Variants in ME1 observed in about 807,000 individuals in gnomAD.
The protein encoded by ME1 is NADP-dependent malic enzyme.
A neutral mutation model predicts 66.4 loss-of-function variants in ME1; 74 were observed. The ratio of observed to expected loss-of-function variants is 1.11; its 90% confidence interval spans 0.92 to 1.35. The LOEUF (loss-of-function observed/expected upper bound fraction) is 1.35. Among genes scored for constraint, ME1 ranks in the 40% most tolerant of loss-of-function variants. ME1 has a pLI of 0.00. For synonymous variants in ME1, 251 were observed against 235.6 expected (o/e 1.07, Z -0.60); for missense variants, 750 against 694.1 (o/e 1.08, Z -0.90).
chr6:83,389,181 T>A (rs1769571984), intron 3 of ME1, among the ~76,000 whole-genome samples: 1 of 152,164 alleles, frequency 6.6e-6, no homozygotes, highest in East Asian at 1.9e-4. Context: ...GTGTGTCCAA[T>A]TTCTTTAATA....
intron 9 of ME1, among the ~76,000 whole-genome samples, chr6:83,234,999 G>T (rs747255467): frequency 6.6e-6 from 1 of 152,112 alleles, no homozygotes; most frequent in Non-Finnish European, 1.5e-5. Context: ...GAGATGAAAG[G>T]CATCATCTTT....
chr6:83,292,686 G>A (rs927831311), intron 6 of ME1, among the ~76,000 whole-genome samples: 5 of 152,206 alleles, frequency 3.3e-5, no homozygotes, highest in Non-Finnish European at 7.3e-5. Flanking sequence ...TAAGTCTGGA[G>A]AAGCTGTCTG....
Position 83,297,376 on chromosome 6 carries a change from C to T in ME1, c.704+17934G>A, listed in dbSNP as rs1036327851. Reference sequence around the variant, plus strand: ...GAAGAATCAATATCATTAAAATGGCCGTACTGCCCAAAGCAATTTAGAAAT... The same window carrying T: ...GAAGAATCAATATCATTAAAATGGCTGTACTGCCCAAAGCAATTTAGAAAT... On this transcript the variant is annotated intron_variant, in intron 6 of 13. Coordinates refer to ENST00000369705, the MANE Select transcript of ME1 (RefSeq NM_002395.6). Among the ~76,000 whole-genome samples, 10 of 152,064 alleles carry T rather than the reference C, an allele frequency of 6.6e-5. No homozygotes were observed. The South Asian group carries it at 1.7e-3, about 25-fold the overall frequency.
chr6:83,352,691 T>A (rs1355136765), intron 3 of ME1, among the ~76,000 whole-genome samples: 1 of 152,154 alleles, frequency 6.6e-6, no homozygotes, highest in African/African-American at 2.4e-5. Context: ...GCAACTCTGT[T>A]ATTTACTCTA....
At chr6:83,213,136 G>A (rs1289102694) in intron 13 of ME1, among the ~76,000 whole-genome samples, 1 of 150,646 alleles carries the variant, frequency 6.6e-6, no homozygotes, top group Non-Finnish European at 1.5e-5. Flanking sequence ...GGGTTCAAGC[G>A]ATTCTCTGGC....
At chr6:83,229,014 T>C in intron 9 of ME1, 83 bp from the exon 10 acceptor site, 1 of 849,518 alleles carries the variant, frequency 1.2e-6, no homozygotes, top group Non-Finnish European at 1.9e-6. Flanking sequence ...TTACAAATAT[T>C]TATGCTTAAC....
chr6:83,254,251 C>T (rs996517478), intron 6 of ME1, among the ~76,000 whole-genome samples: 1 of 152,080 alleles, frequency 6.6e-6, no homozygotes, highest in Non-Finnish European at 1.5e-5. Context: ...TTTAAAAGCC[C>T]TATTTGGCTA....
chr6:83,310,449 C>T (rs1245399801), intron 6 of ME1, among the ~76,000 whole-genome samples: 1 of 152,130 alleles, frequency 6.6e-6, no homozygotes, highest in Non-Finnish European at 1.5e-5. Flanking sequence ...TCTTACAAAC[C>T]TCTTAAACAC....
In ME1 at chr6:83,349,015, A is replaced by AAAAAAAAAAAAAAAAC. The variant is rs746037012; in HGVS notation, c.439-2682_439-2681insGTTTTTTTTTTTTTTT. Among the ~76,000 whole-genome samples, 19 of 124,066 alleles carry AAAAAAAAAAAAAAAAC rather than the reference A, an allele frequency of 1.5e-4. 2 individuals carry two copies. The highest frequency in any genetic ancestry group is 5.0e-4 in the African/African-American group (16 of 32,272). The allele number at this position is 124,066 out of a possible 152,430, so 81.4% of individuals were successfully genotyped here. On this transcript the variant is annotated intron_variant, in intron 4 of 13. Transcript: ENST00000369705. ...AAAAAAAAAAAACAAAAAACAAAAA[A>AAAAAAAAAAAAAAAAC]CAGTGCATTCTTTCTTATTTCTTCA...
chr6:83,275,618 C>G (rs138229945), intron 6 of ME1, among the ~76,000 whole-genome samples: 8,311 of 146,486 alleles, frequency 0.057, 438 homozygotes, highest in African/African-American at 0.13. Flanking sequence ...GGCGCCGCCA[C>G]CACGCCTGGC....
intron 1 of ME1, among the ~76,000 whole-genome samples, chr6:83,414,111 G>GAAAA (rs758493692): frequency 1.5e-5 from 1 of 66,506 alleles, no homozygotes; most frequent in African/African-American, 5.1e-5. Flanking sequence ...ACCCCATCTT[G>GAAAA]AAAAAAAAAA....
At chr6:83,224,187 C>T (rs1251222822) in intron 11 of ME1, among the ~76,000 whole-genome samples, 2 of 152,156 alleles carry the variant, frequency 1.3e-5, no homozygotes, top group Non-Finnish European at 2.9e-5. Context: ...TGCCCTAAGA[C>T]CATCACTCTA....
intron 7 of ME1, among the ~76,000 whole-genome samples, chr6:83,240,432 T>C (rs535223040): frequency 6.6e-6 from 1 of 152,246 alleles, no homozygotes; most frequent in Admixed American, 6.5e-5. Flanking sequence ...TTCCTCATCA[T>C]GTCTCATAGG....
chr6:83,241,029 A>C (rs969626535), intron 7 of ME1, among the ~76,000 whole-genome samples: 1 of 152,160 alleles, frequency 6.6e-6, no homozygotes, highest in Non-Finnish European at 1.5e-5. Flanking sequence ...TACATTACTT[A>C]AGGTGAAAAT....
chr6:83,408,236 G>A (rs981719307), intron 1 of ME1, among the ~76,000 whole-genome samples: 8 of 152,104 alleles, frequency 5.3e-5, no homozygotes, highest in African/African-American at 1.9e-4. Context: ...AAAATAAAAA[G>A]TCATTATTAG....
At chr6:83,278,341 T>C (rs1767227718) in intron 6 of ME1, among the ~76,000 whole-genome samples, 1 of 152,232 alleles carries the variant, frequency 6.6e-6, no homozygotes, top group Non-Finnish European at 1.5e-5. Context: ...ATAAGTTTTA[T>C]CTCCAGGAGC....
chr6:83,328,056 G>A (rs896350742), intron 5 of ME1, among the ~76,000 whole-genome samples: 3 of 152,134 alleles, frequency 2.0e-5, no homozygotes, highest in Admixed American at 2.0e-4. Flanking sequence ...GCAAAGACTT[G>A]GAACCAATCC....
At chr6:83,263,358 T>A (rs372475631) in intron 6 of ME1, among the ~76,000 whole-genome samples, 2 of 152,144 alleles carry the variant, frequency 1.3e-5, no homozygotes, top group African/African-American at 4.8e-5. Context: ...TCTCTTTAAA[T>A]CAAAAGCTTG....
intron 3 of ME1, among the ~76,000 whole-genome samples, chr6:83,375,226 A>C (rs1252893388): frequency 1.3e-5 from 2 of 152,192 alleles, no homozygotes; most frequent in Admixed American, 1.3e-4. Context: ...CCTATCCATG[A>C]GGATGGAATG....
Sources: allele counts gnomAD v4.1 joint callset (sites outside exome capture counted in the v4.1 genomes callset), GRCh38; gene constraint gnomAD v4.1.1; transcripts MANE v1.5; gene names NCBI Gene and HGNC (gene_info 2026-07-23, HGNC 2026-07-21).